SNX3: variants seen among roughly 807,000 people sequenced by gnomAD.
The protein encoded by SNX3 is sorting nexin 3, also known as sorting nexin-3.
SNX3 carries 5 observed loss-of-function variants against 17.7 expected under a neutral mutation model. The observed-to-expected ratio is 0.28, with a 90% CI of 0.15 to 0.59. SNX3 has a LOEUF of 0.59. SNX3 is among the 20% of genes least tolerant of loss of function. The pLI is 0.88. For synonymous variants in SNX3, 91 were observed against 76.5 expected (o/e 1.19, Z -0.99); for missense variants, 132 against 206.8 (o/e 0.64, Z 2.22).
At chr6:108,244,456 CTCCA>C (rs1775620944) in intron 1 of SNX3, among the ~76,000 whole-genome samples, 1 of 152,016 alleles carries the variant, frequency 6.6e-6, no homozygotes, top group African/African-American at 2.4e-5. Context: ...TACCTGGCCC[CTCCA>C]TACTGTTTGT....
intron 2 of SNX3, among the ~76,000 whole-genome samples, chr6:108,218,227 C>A (rs1194630887): frequency 6.6e-6 from 1 of 152,102 alleles, no homozygotes; most frequent in African/African-American, 2.4e-5. Context: ...AAGGCAAAAG[C>A]TCTCAATAAA....
intron 1 of SNX3, among the ~76,000 whole-genome samples, chr6:108,259,244 T>C (rs1326544209): frequency 6.6e-6 from 1 of 152,204 alleles, no homozygotes; most frequent in South Asian, 2.1e-4. Flanking sequence ...TTTTATTTAT[T>C]TATTTAGAGA....
chr6:108,222,690 G>T (rs750024648), intron 2 of SNX3, among the ~76,000 whole-genome samples: 2 of 152,152 alleles, frequency 1.3e-5, no homozygotes, highest in African/African-American at 2.4e-5. Context: ...GGAAAGGAAG[G>T]AAGTAATAGC....
At chr6:108,229,744 G>C (rs1161982919) in intron 1 of SNX3, among the ~76,000 whole-genome samples, 2 of 152,186 alleles carry the variant, frequency 1.3e-5, no homozygotes, top group African/African-American at 2.4e-5. Context: ...GCTAAATGCA[G>C]AGAAGAAACA....
At chr6:108,251,504 G>C (rs1290163708) in intron 1 of SNX3, among the ~76,000 whole-genome samples, 1 of 152,108 alleles carries the variant, frequency 6.6e-6, no homozygotes, top group Non-Finnish European at 1.5e-5. Flanking sequence ...CGACTTCCTG[G>C]TTGTGTCCTT....
intron 1 of SNX3, among the ~76,000 whole-genome samples, chr6:108,232,617 T>C (rs1775203543): frequency 6.6e-6 from 1 of 152,228 alleles, no homozygotes; most frequent in African/African-American, 2.4e-5. Context: ...CTAGTATTTC[T>C]TCAGATAGTG....
intron 1 of SNX3, among the ~76,000 whole-genome samples, chr6:108,255,659 C>A (rs895390032): frequency 1.3e-5 from 2 of 152,080 alleles, no homozygotes; most frequent in African/African-American, 4.8e-5. Context: ...CCCCCCGATT[C>A]TTTAAAATAC....
At chr6:108,238,365 T>C (rs962590773) in intron 1 of SNX3, among the ~76,000 whole-genome samples, 1 of 152,138 alleles carries the variant, frequency 6.6e-6, no homozygotes, top group African/African-American at 2.4e-5. Flanking sequence ...TGGAGTACAT[T>C]GTGATAAAAA....
At chr6:108,221,207 T>C (rs998086800) in intron 2 of SNX3, among the ~76,000 whole-genome samples, 1 of 152,148 alleles carries the variant, frequency 6.6e-6, no homozygotes, top group Non-Finnish European at 1.5e-5. Context: ...GAGTGAGGCC[T>C]TCCCTTGTGC....
chr6:108,255,339 ATTTT>A (rs906401325), intron 1 of SNX3, among the ~76,000 whole-genome samples: 2 of 151,682 alleles, frequency 1.3e-5, no homozygotes, highest in Admixed American at 6.6e-5. Flanking sequence ...AAATGCCCTG[ATTTT>A]TTTTTCTTTG....
intron 1 of SNX3, among the ~76,000 whole-genome samples, chr6:108,240,881 G>A (rs113781554): frequency 6.6e-6 from 1 of 152,048 alleles, no homozygotes; most frequent in African/African-American, 2.4e-5. Context: ...AGTGGCTCAC[G>A]CCTATAATCC....
At chr6:108,240,634 G>C (rs919232106) in intron 1 of SNX3, among the ~76,000 whole-genome samples, 5 of 152,178 alleles carry the variant, frequency 3.3e-5, no homozygotes, top group Non-Finnish European at 7.4e-5. Context: ...CTGCTGGAGG[G>C]GGGCCACTGG....
intron 2 of SNX3, among the ~76,000 whole-genome samples, chr6:108,216,364 T>C (rs573339012): frequency 6.6e-6 from 1 of 152,244 alleles, no homozygotes; most frequent in Admixed American, 6.5e-5. Context: ...GCTGAGACAA[T>C]AAAAAATGTC....
intron 1 of SNX3, among the ~76,000 whole-genome samples, chr6:108,242,917 G>T (rs1409028135): frequency 6.6e-6 from 1 of 152,150 alleles, no homozygotes; most frequent in Non-Finnish European, 1.5e-5. Context: ...GCCTGGAAGA[G>T]AACTCCCGGG....
chr6:108,240,880 C>G (rs1056668170), intron 1 of SNX3, among the ~76,000 whole-genome samples: 5 of 152,028 alleles, frequency 3.3e-5, no homozygotes, highest in Non-Finnish European at 5.9e-5. Context: ...CAGTGGCTCA[C>G]GCCTATAATC....
intron 1 of SNX3, among the ~76,000 whole-genome samples, chr6:108,231,884 TA>T (rs1024273652): frequency 9.2e-5 from 14 of 152,216 alleles, no homozygotes; most frequent in African/African-American, 3.4e-4. Context: ...AGTGTGAATA[TA>T]CCGATGTATT....
intron 1 of SNX3, among the ~76,000 whole-genome samples, chr6:108,229,162 T>C (rs1345144873): frequency 2.0e-5 from 3 of 147,150 alleles, no homozygotes; most frequent in Non-Finnish European, 4.4e-5. Context: ...CCGGAGGCTA[T>C]GGCAGGATAA....
chr6:108,260,944 C>T lies in SNX3; in HGVS notation c.-23G>A, dbSNP rs373380139. ...CATTTCGCTGTAGCTGCTGCCGCCG[C>T]CGCGGGCTCCCTCCGCCCCCTCCGC... On this transcript the variant is annotated 5_prime_UTR_variant, in exon 1 of 4. Transcript: ENST00000230085. 2.6e-6 allele frequency: 4 copies of T among 1,543,428 alleles called. No homozygotes were observed. Among genetic ancestry groups the T allele is most frequent in the African/African-American group, 2.8e-5 (2 of 70,348 alleles).
intron 1 of SNX3, among the ~76,000 whole-genome samples, chr6:108,250,497 C>T (rs1463833621): frequency 6.6e-6 from 1 of 152,122 alleles, no homozygotes; most frequent in Non-Finnish European, 1.5e-5. Context: ...TAAGAATGTC[C>T]TCAGTTATAT....
Sources: allele counts gnomAD v4.1 joint callset (sites outside exome capture counted in the v4.1 genomes callset), GRCh38; gene constraint gnomAD v4.1.1; transcripts MANE v1.5; gene names NCBI Gene and HGNC (gene_info 2026-07-23, HGNC 2026-07-21).